NUDC: variants seen among roughly 807,000 people sequenced by gnomAD.
NUDC encodes nuclear migration protein nudC.
Under a neutral mutation model 45.0 loss-of-function variants are expected in NUDC, and 14 were observed. The ratio of observed to expected loss-of-function variants is 0.31; its 90% CI spans 0.21 to 0.49. The LOEUF is 0.49. Among genes scored for constraint, NUDC ranks in the 20% least tolerant of loss-of-function variants. The probability of loss-of-function intolerance (pLI) is 0.99; values close to 1 mark genes in which losing one functional copy is unlikely to be tolerated. For synonymous variants in NUDC, 153 were observed against 156.7 expected, an observed-to-expected ratio of 0.98 and a Z score of 0.17; for missense variants, 323 against 426.2, an observed-to-expected ratio of 0.76 and a Z score of 2.13.
rs201593557 is a variant in NUDC, at chr1:26,925,234, CTG to C, written c.159+1069_159+1070del. On this transcript the variant is annotated intron_variant, in intron 2 of 8. Coordinates refer to ENST00000321265, the MANE Select transcript of NUDC (RefSeq NM_006600.4). ...GATGAGACTGGGCAAATATTAGAAACTGATGCTTAGAAATAAATTTAGAAGGC... is the reference window on the plus strand; with the variant it reads ...GATGAGACTGGGCAAATATTAGAAACATGCTTAGAAATAAATTTAGAAGGC... Among the ~76,000 whole-genome samples, 588 of 150,658 alleles carry C rather than the reference CTG, an allele frequency of 3.9e-3. 13 individuals carry two copies. The highest frequency in any genetic ancestry group is 0.011 in the East Asian group (54 of 4,956).
chr1:26,929,570 T>A, intron 2 of NUDC: 1 of 213,526 alleles, frequency 4.7e-6, no homozygotes, highest in Admixed American at 5.0e-5. Flanking sequence ...ATAAGGGACT[T>A]GAGCATCCTC....
intron 2 of NUDC, among the ~76,000 whole-genome samples, chr1:26,936,134 A>AAC (rs1553163907): frequency 1.0e-3 from 7 of 6,812 alleles, no homozygotes; most frequent in Non-Finnish European, 2.0e-3. Context: ...ACGCCCGGCT[A>AAC]ATATATATAT....
intron 6 of NUDC, among the ~76,000 whole-genome samples, chr1:26,944,123 T>C (rs2082300679): frequency 6.6e-6 from 1 of 152,024 alleles, no homozygotes; most frequent in African/African-American, 2.4e-5. Flanking sequence ...CTCGATCTCC[T>C]GACCTTGTGA....
chr1:26,915,068 T>C (rs574391435), intron 3 of NUDC, among the ~76,000 whole-genome samples: 1 of 148,554 alleles, frequency 6.7e-6, no homozygotes, highest in South Asian at 2.1e-4. Context: ...CATATATATA[T>C]ATATATATGT....
intron 2 of NUDC, among the ~76,000 whole-genome samples, chr1:26,908,221 A>G (rs895213293): frequency 6.6e-6 from 1 of 151,446 alleles, no homozygotes; most frequent in African/African-American, 2.4e-5. Flanking sequence ...ATCAGCCCAG[A>G]CCTTAAGTTA....
At position 26,945,704 on chromosome 1, in the gene NUDC, G is replaced by T. The variant is rs200685195; in HGVS notation, c.944+18G>T. The T allele has an allele frequency of 1.9e-6, 3 of 1,589,438 alleles. No homozygotes were observed. Among genetic ancestry groups the T allele is most frequent in the Non-Finnish European group, 2.6e-6 (3 of 1,158,486 alleles). ...CTGAAGAAGTGAGCAATTCAGAGAC[G>T]GGGTTGGGGGACCGTGGGTGCCTGG... On this transcript the variant is annotated intron_variant, in intron 8 of 8. Transcript: ENST00000321265.
intron 3 of NUDC, chr1:26,913,342 A>T: frequency 2.8e-6 from 4 of 1,434,496 alleles, no homozygotes; most frequent in Non-Finnish European, 3.9e-6. Flanking sequence ...AAACCCTTAG[A>T]AGCTACCTTC....
intron 4 of NUDC, among the ~76,000 whole-genome samples, chr1:26,942,179 C>T (rs1159673134): frequency 6.6e-6 from 1 of 151,992 alleles, no homozygotes; most frequent in Admixed American, 6.6e-5. Flanking sequence ...GTAATCCCAG[C>T]TACTCGGGAG....
intron 4 of NUDC, 44 bp from the exon 5 acceptor site, chr1:26,942,616 C>T (rs2082287381): frequency 6.2e-7 from 1 of 1,612,912 alleles, no homozygotes; most frequent in East Asian, 2.2e-5. Flanking sequence ...CAATCTGTGT[C>T]TTGTCTGTCA....
chr1:26,943,418 A>G (rs56148207), intron 6 of NUDC, among the ~76,000 whole-genome samples: 6,171 of 152,114 alleles, frequency 0.041, 392 homozygotes, highest in African/African-American at 0.14. Context: ...GGGTCTCACT[A>G]TATTTCCCAG....
At chr1:26,902,730 A>G (rs2081985832) in intron 2 of NUDC, among the ~76,000 whole-genome samples, 1 of 151,884 alleles carries the variant, frequency 6.6e-6, no homozygotes, top group African/African-American at 2.4e-5. Flanking sequence ...TGGGCAGCAG[A>G]ATGAGAATCT....
At chr1:26,937,778 G>A (rs35383705) in intron 2 of NUDC, among the ~76,000 whole-genome samples, 3,120 of 151,556 alleles carry the variant, frequency 0.021, 54 homozygotes, top group Non-Finnish European at 0.032. Flanking sequence ...TCAGTCTCTC[G>A]AGTAGCTGGA....
At chr1:26,908,916 G>T (rs533568972) in intron 2 of NUDC, among the ~76,000 whole-genome samples, 1 of 151,432 alleles carries the variant, frequency 6.6e-6, no homozygotes, top group Non-Finnish European at 1.5e-5. Context: ...TAGTAGAGAC[G>T]GTGTTTCACC....
chr1:26,918,039 AC>A (rs1181672878), upstream of NUDC, among the ~76,000 whole-genome samples: 2 of 152,160 alleles, frequency 1.3e-5, no homozygotes, highest in African/African-American at 4.8e-5. Context: ...TACATACTAA[AC>A]AACATGAATT....
chr1:26,937,069 A>C (rs887576548), intron 2 of NUDC, among the ~76,000 whole-genome samples: 2 of 152,204 alleles, frequency 1.3e-5, no homozygotes, highest in African/African-American at 4.8e-5. Flanking sequence ...ATTTGCTAGA[A>C]TGATTCAAAA....
chr1:26,924,955 A>G (rs1475823896), intron 2 of NUDC, among the ~76,000 whole-genome samples: 1 of 151,606 alleles, frequency 6.6e-6, no homozygotes, highest in Non-Finnish European at 1.5e-5. Flanking sequence ...ATCTAGGCTC[A>G]CTGCAACCTC....
At chr1:26,913,921 C>T (rs2082046486) in intron 3 of NUDC, 3 of 1,478,548 alleles carry the variant, frequency 2.0e-6, no homozygotes, top group South Asian at 3.1e-5. Flanking sequence ...TGGGCAGGCC[C>T]CTGGTTGGCT....
In NUDC at chr1:26,924,103, C is replaced by CT; in HGVS notation, c.98dup (p.Ser34GlnfsTer76). Reference sequence around the variant, plus strand: ...CCCTCTTTCAGCTTGTGAACACCTTCTTCAGCTTCCTTCGACGCAAAACAG... The same window carrying CT: ...CCCTCTTTCAGCTTGTGAACACCTTCTTTCAGCTTCCTTCGACGCAAAACAG... On this transcript the variant is annotated frameshift_variant, in exon 2 of 9. Coordinates refer to ENST00000321265, the MANE Select transcript of NUDC (RefSeq NM_006600.4). LOFTEE classifies it high-confidence loss of function. 6.2e-7 allele frequency: 1 copy of CT among 1,614,128 alleles called. No homozygotes were observed. Among genetic ancestry groups the CT allele is most frequent in the Non-Finnish European group, 8.5e-7 (1 of 1,179,992 alleles).
In NUDC at chr1:26,945,111, CCCGAGTG is replaced by C. The variant is rs1299745568; in HGVS notation, c.742-278_742-272del. ...TACTGCTTTGTGTCTTAAGACTCAG[CCCGAGTG>C]TCACTTTCAAACTTTTCTCCCTCCA... On this transcript the variant is annotated intron_variant, in intron 6 of 8. Transcript: ENST00000321265. The C allele has an allele frequency of 2.7e-5, 15 of 548,178 alleles. No homozygotes were observed. In the Admixed American group the frequency reaches 4.0e-4, roughly 15 times the overall value. The allele number at this position is 548,178 out of a possible 1,614,324, so 34.0% of individuals were successfully genotyped here.
Sources: gnomAD v4.1 joint callset for allele counts (sites outside exome capture counted in the v4.1 genomes callset) on GRCh38, gnomAD v4.1.1 for gene constraint, MANE v1.5 for transcripts, NCBI Gene and HGNC (gene_info 2026-07-23, HGNC 2026-07-21) for gene names.